The following CEP290 variants were observed in gnomAD, a reference collection of about 807,000 sequenced individuals.
The protein encoded by CEP290 is centrosomal protein 290, also known as centrosomal protein of 290 kDa.
In CEP290, 317 loss-of-function variants were observed where a neutral mutation model predicts 344.9. The observed-to-expected ratio is 0.92, with a 90% CI of 0.84 to 1.01. CEP290 has a LOEUF of 1.01. Among genes scored for constraint, CEP290 ranks in the 50% least tolerant of loss-of-function variants. The pLI is 0.00. For synonymous variants in CEP290, 932 were observed against 895.8 expected, an observed-to-expected ratio of 1.04 and a Z score of -0.72; for missense variants, 2,754 against 2,761.4, an observed-to-expected ratio of 1.00 and a Z score of 0.06.
chr12:88,109,145 C>G lies in CEP290; in HGVS notation c.2404G>C (p.Glu802Gln), dbSNP rs1326068086. 2 of 1,428,942 alleles carry G rather than the reference C, an allele frequency of 1.4e-6. No homozygotes were observed. Among genetic ancestry groups the G allele is most frequent in the Admixed American group, 5.4e-5 (2 of 36,738 alleles). The allele number at this position is 1,428,942 out of a possible 1,614,324, so 88.5% of individuals were successfully genotyped here. Reference protein sequence around the residue: ...ENKEKKLKNLEDSLEDYNRKF... With the variant: ...ENKEKKLKNLQDSLEDYNRKF... ...CTGTTGTAATCTTCAAGAGAATCTT[C>G]TAAATTCTTTAACTTTTTTTCTTTA... The change falls in exon 23 of 54, where the codon GAA becomes CAA. Residue 802 changes from glutamate to glutamine, a missense_variant. Coordinates refer to ENST00000552810, the MANE Select transcript of CEP290 (RefSeq NM_025114.4).
chr12:88,094,672 AG>A (rs66713968), intron 27 of CEP290, among the ~76,000 whole-genome samples: 133,365 of 151,334 alleles, frequency 0.88, 59,602 homozygotes, highest in East Asian at 0.98. Flanking sequence ...TCATTTTTTG[AG>A]GGGGGGGGAA....
chr12:88,093,743 T>C (rs1422147162), intron 28 of CEP290, 27 bp downstream of exon 28: 3 of 1,497,736 alleles, frequency 2.0e-6, no homozygotes, highest in Non-Finnish European at 2.7e-6. Flanking sequence ...ATTCTATAAT[T>C]GTATGATAAA....
intron 11 of CEP290, among the ~76,000 whole-genome samples, chr12:88,128,472 G>A (rs1055299256): frequency 6.6e-6 from 1 of 152,112 alleles, no homozygotes; most frequent in Non-Finnish European, 1.5e-5. Flanking sequence ...GGTTAAGGTT[G>A]GAGAGTGGTG....
At chr12:88,063,215 G>A (rs780316369) in intron 45 of CEP290, among the ~76,000 whole-genome samples, 3 of 149,430 alleles carry the variant, frequency 2.0e-5, no homozygotes, top group Non-Finnish European at 4.4e-5. Context: ...TAAATAAAGT[G>A]TGAGAAGCAA....
At chr12:88,115,271 A>G in intron 18 of CEP290, 89 bp from the exon 19 acceptor site, 1 of 785,354 alleles carries the variant, frequency 1.3e-6, no homozygotes, top group Non-Finnish European at 2.0e-6. Flanking sequence ...TTGATCAATT[A>G]AGTATAACAA....
At chr12:88,053,776 AT>A (rs2033767747) in intron 51 of CEP290, 30 bp from the exon 52 acceptor site, 4 of 1,132,810 alleles carry the variant, frequency 3.5e-6, no homozygotes, top group East Asian at 5.1e-5. Context: ...TGTTAAAAAA[AT>A]AAAGCAGATA....
intron 28 of CEP290, 80 bp from the exon 29 acceptor site, chr12:88,092,912 G>T: frequency 1.5e-6 from 2 of 1,310,144 alleles, no homozygotes; most frequent in Non-Finnish European, 2.2e-6. Flanking sequence ...TTAAAGTACT[G>T]CAATCCTCTT....
intron 37 of CEP290, 74 bp from the exon 38 acceptor site, chr12:88,080,469 A>G (rs958028197): frequency 9.0e-7 from 1 of 1,113,736 alleles, no homozygotes; most frequent in Admixed American, 2.3e-5. Flanking sequence ...TCACTCTGTC[A>G]CCCAGGCTGG....
intron 2 of CEP290, 73 bp downstream of exon 2, chr12:88,141,133 A>G (rs1555229791): frequency 1.5e-6 from 2 of 1,306,860 alleles, no homozygotes; most frequent in Non-Finnish European, 2.0e-6. Context: ...CCTGAAAAAA[A>G]TAAATTCATA....
At position 88,058,625 on chromosome 12, in the gene CEP290, T is replaced by C. The variant is rs548173199; in HGVS notation, c.6818+223A>G. 3 of 567,802 alleles carry C rather than the reference T, an allele frequency of 5.3e-6. No individual in the cohort carries two copies. In the East Asian group the frequency reaches 9.4e-5, roughly 18 times the overall value. The allele number at this position is 567,802 out of a possible 1,614,324, so 35.2% of individuals were successfully genotyped here. Reference sequence around the variant, plus strand: ...TTCGCCCAGCCCCAGCTCTACACTGTTCCATGCCCTGCCACCCAAACAAGG... The same window carrying C: ...TTCGCCCAGCCCCAGCTCTACACTGCTCCATGCCCTGCCACCCAAACAAGG... On this transcript the variant is annotated intron_variant, in intron 49 of 53. Transcript: ENST00000552810.
At position 88,130,536 on chromosome 12, in the gene CEP290, A is replaced by G. The variant is rs771222198; in HGVS notation, c.516+9T>C. ...AATTCCCAAGATTTCACCACACTTA[A>G]AGCCTCACCTTTTTCTTTAGACGTT... is the stretch of plus-strand genomic sequence containing the variant. On this transcript the variant is annotated intron_variant, in intron 8 of 53. Transcript: ENST00000552810. 1.3e-6 allele frequency: 2 copies of G among 1,595,516 alleles called. No individual in the cohort carries two copies. The highest frequency in any genetic ancestry group is 2.3e-5 in the East Asian group (1 of 44,360).
At chr12:88,122,079 G>T (rs2039437626) in intron 13 of CEP290, among the ~76,000 whole-genome samples, 2 of 151,818 alleles carry the variant, frequency 1.3e-5, no homozygotes, top group Non-Finnish European at 2.9e-5. Context: ...TTTAATATTG[G>T]ACTTAGGCAT....
At chr12:88,066,226 A>C (rs2034915256) in intron 44 of CEP290, among the ~76,000 whole-genome samples, 1 of 152,184 alleles carries the variant, frequency 6.6e-6, no homozygotes, top group South Asian at 2.1e-4. Flanking sequence ...TCTCAATGTA[A>C]GCTAGCCAAA....
intron 22 of CEP290, 56 bp downstream of exon 22, chr12:88,111,146 T>A: frequency 4.0e-6 from 4 of 997,072 alleles, no homozygotes; most frequent in Non-Finnish European, 5.4e-6. Context: ...ATACTACCAA[T>A]GATTTTTGTT....
intron 17 of CEP290, among the ~76,000 whole-genome samples, chr12:88,117,821 G>A (rs2039146543): frequency 6.6e-6 from 1 of 151,948 alleles, no homozygotes; most frequent in South Asian, 2.1e-4. Flanking sequence ...GATCACTTGA[G>A]GTCAGGAGTT....
At chr12:88,067,904 T>C (rs1343194096) in intron 44 of CEP290, among the ~76,000 whole-genome samples, 2 of 152,222 alleles carry the variant, frequency 1.3e-5, no homozygotes, top group Non-Finnish European at 2.9e-5. Context: ...ACCTAGTCTT[T>C]TACCATTTTT....
At chr12:88,141,385 G>T in intron 1 of CEP290, 51 bp from the exon 2 acceptor site, 4 of 902,428 alleles carry the variant, frequency 4.4e-6, no homozygotes, top group Non-Finnish European at 6.6e-6. Flanking sequence ...CAGTATTATT[G>T]GTTTTCTAGC....
chr12:88,071,188 G>C (rs2035345755), intron 43 of CEP290, 106 bp downstream of exon 43: 1 of 931,460 alleles, frequency 1.1e-6, no homozygotes, highest in East Asian at 2.6e-5. Context: ...CATGGGAAAA[G>C]AAAACATAAC....
intron 19 of CEP290, 62 bp from the exon 20 acceptor site, chr12:88,114,624 T>C (rs929025537): frequency 3.1e-6 from 4 of 1,282,488 alleles, no homozygotes; most frequent in East Asian, 2.7e-5. Flanking sequence ...CACTATGCTA[T>C]ACAGATGACA....
Sources: gnomAD v4.1 joint callset for allele counts (sites outside exome capture counted in the v4.1 genomes callset) on GRCh38, gnomAD v4.1.1 for gene constraint, MANE v1.5 for transcripts, NCBI Gene and HGNC (gene_info 2026-07-23, HGNC 2026-07-21) for gene names.